The following KCTD16 variants were observed in gnomAD, a reference collection of about 807,000 sequenced individuals.
The protein encoded by KCTD16 is BTB/POZ domain-containing protein KCTD16.
A neutral mutation model predicts 33.2 loss-of-function variants in KCTD16; 13 were observed. That is an observed-to-expected ratio of 0.39 (90% CI 0.25 to 0.62). The LOEUF is 0.62. Ranked by LOEUF, KCTD16 falls within the 20% of genes least tolerant of loss-of-function variation. The pLI, the probability that KCTD16 is intolerant of heterozygous loss-of-function variation, is 0.50. For synonymous variants in KCTD16, 197 were observed against 195.3 expected, an observed-to-expected ratio of 1.01 and a Z score of -0.07; for missense variants, 441 against 525.1, an observed-to-expected ratio of 0.84 and a Z score of 1.57.
Position 144,171,653 on chromosome 5 carries a change from G to A in KCTD16, c.-493+644G>A, listed in dbSNP as rs182160968. Reference sequence around the variant, plus strand: ...GCCAAATCCAAATGTCCTTGGGGGCGGTGGGGGCAACATTAGCTGAATTTG... The same window carrying A: ...GCCAAATCCAAATGTCCTTGGGGGCAGTGGGGGCAACATTAGCTGAATTTG... On this transcript the variant is annotated intron_variant, in intron 1 of 3. Coordinates refer to ENST00000512467, the MANE Select transcript of KCTD16 (RefSeq NM_020768.4). Among the ~76,000 whole-genome samples, 510 of 152,206 alleles carry A rather than the reference G, an allele frequency of 3.4e-3. 4 individuals carry two copies. The highest frequency in any genetic ancestry group is 0.012 in the African/African-American group (491 of 41,514).
At chr5:144,363,725 T>A (rs1751770443) in intron 3 of KCTD16, among the ~76,000 whole-genome samples, 1 of 152,088 alleles carries the variant, frequency 6.6e-6, no homozygotes, top group African/African-American at 2.4e-5. Flanking sequence ...TTCATTCTCA[T>A]CTCACATGTG....
At chr5:144,175,354 T>C (rs1334596839) in intron 2 of KCTD16, among the ~76,000 whole-genome samples, 7 of 152,232 alleles carry the variant, frequency 4.6e-5, no homozygotes, top group African/African-American at 1.7e-4. Flanking sequence ...TGTATTGTTA[T>C]TGTGTTATGA....
chr5:144,448,391 A>C (rs1320113754), intron 3 of KCTD16, among the ~76,000 whole-genome samples: 1 of 152,054 alleles, frequency 6.6e-6, no homozygotes, highest in African/African-American at 2.4e-5. Context: ...GAAGAGCCTT[A>C]AGCTCTCTCT....
intron 3 of KCTD16, among the ~76,000 whole-genome samples, chr5:144,370,135 G>A (rs945292986): frequency 7.2e-5 from 11 of 152,200 alleles, no homozygotes; most frequent in South Asian, 2.1e-4. Flanking sequence ...TCATCAGATC[G>A]TTTCCAAAGA....
chr5:144,262,714 A>G (rs1438078928), intron 3 of KCTD16, among the ~76,000 whole-genome samples: 1 of 152,176 alleles, frequency 6.6e-6, no homozygotes, highest in Non-Finnish European at 1.5e-5. Flanking sequence ...TTTTTATATT[A>G]CTGATCAGTT....
intron 3 of KCTD16, among the ~76,000 whole-genome samples, chr5:144,368,834 C>T (rs371182439): frequency 1.3e-5 from 2 of 152,066 alleles, no homozygotes; most frequent in Non-Finnish European, 2.9e-5. Flanking sequence ...TTAGGAAGTA[C>T]GGAGGTCTGT....
chr5:144,340,273 G>A (rs1752597045), intron 3 of KCTD16, among the ~76,000 whole-genome samples: 1 of 151,840 alleles, frequency 6.6e-6, no homozygotes. Flanking sequence ...ATGGTGACGG[G>A]TACCTATAGT....
chr5:144,299,107 TA>T lies in KCTD16; in HGVS notation c.832+91562del, dbSNP rs1561558423. ...ATATATATCACTATGTATATATATA[TA>T]TATATATATATATATATATATATAT... is the stretch of plus-strand genomic sequence containing the variant. On this transcript the variant is annotated intron_variant, in intron 3 of 3. Transcript: ENST00000512467. Among the ~76,000 whole-genome samples the T allele has an allele frequency of 2.0e-4, 2 of 10,012 alleles. 1 individual carries two copies. Among genetic ancestry groups the T allele is most frequent in the Non-Finnish European group, 3.6e-4 (2 of 5,592 alleles). 6.6% of individuals were successfully genotyped at this position (10,012 alleles called of 152,430 possible). A position where few individuals can be genotyped will look rare whatever the true frequency, so the allele number is the denominator to read the frequency against.
At chr5:144,440,751 T>A (rs1417070646) in intron 3 of KCTD16, among the ~76,000 whole-genome samples, 1 of 152,114 alleles carries the variant, frequency 6.6e-6, no homozygotes, top group Admixed American at 6.6e-5. Context: ...TTTATTTTAT[T>A]ATTATTATAC....
chr5:144,306,922 C>A (rs1225811066), intron 3 of KCTD16, among the ~76,000 whole-genome samples: 1 of 152,136 alleles, frequency 6.6e-6, no homozygotes, highest in Non-Finnish European at 1.5e-5. Flanking sequence ...ATACCAGAAC[C>A]AAAGAAAAAT....
At chr5:144,435,885 G>T (rs979412953) in intron 3 of KCTD16, among the ~76,000 whole-genome samples, 1 of 151,684 alleles carries the variant, frequency 6.6e-6, no homozygotes, top group African/African-American at 2.4e-5. Flanking sequence ...CATTCTCCAA[G>T]AATTCTGTAA....
At chr5:144,373,757 A>C (rs1347931032) in intron 3 of KCTD16, among the ~76,000 whole-genome samples, 1 of 152,230 alleles carries the variant, frequency 6.6e-6, no homozygotes, top group Non-Finnish European at 1.5e-5. Flanking sequence ...GGCATTTACA[A>C]ATGGCAAATC....
chr5:144,384,927 A>C (rs1250205851), intron 3 of KCTD16, among the ~76,000 whole-genome samples: 1 of 152,210 alleles, frequency 6.6e-6, no homozygotes, highest in Non-Finnish European at 1.5e-5. Flanking sequence ...CTTTCATGTA[A>C]TGAAGTGCAT....
At chr5:144,397,699 T>C (rs1173900308) in intron 3 of KCTD16, among the ~76,000 whole-genome samples, 2 of 152,168 alleles carry the variant, frequency 1.3e-5, no homozygotes, top group Admixed American at 6.5e-5. Context: ...TTAAAGTTCA[T>C]ATGGAGCCAA....
intron 3 of KCTD16, among the ~76,000 whole-genome samples, chr5:144,322,829 G>A (rs1332849489): frequency 1.3e-5 from 2 of 152,064 alleles, no homozygotes; most frequent in Non-Finnish European, 2.9e-5. Flanking sequence ...ATTGTGACCA[G>A]TAAAACGGAT....
intron 3 of KCTD16, among the ~76,000 whole-genome samples, chr5:144,356,337 A>T (rs1751570921): frequency 6.6e-6 from 1 of 152,188 alleles, no homozygotes; most frequent in African/African-American, 2.4e-5. Flanking sequence ...ATATATAAGT[A>T]TATACAGGTT....
At chr5:144,252,286 G>A (rs1419867663) in intron 3 of KCTD16, among the ~76,000 whole-genome samples, 3 of 152,162 alleles carry the variant, frequency 2.0e-5, no homozygotes, top group Non-Finnish European at 4.4e-5. Context: ...TTATTTGGAT[G>A]AGTATAAATC....
At chr5:144,247,456 A>T (rs1176897256) in intron 3 of KCTD16, among the ~76,000 whole-genome samples, 1 of 152,146 alleles carries the variant, frequency 6.6e-6, no homozygotes, top group African/African-American at 2.4e-5. Flanking sequence ...CCTATAGATG[A>T]TTTTAGTTCC....
At chr5:144,377,016 G>C (rs1201937000) in intron 3 of KCTD16, among the ~76,000 whole-genome samples, 1 of 152,156 alleles carries the variant, frequency 6.6e-6, no homozygotes, top group Non-Finnish European at 1.5e-5. Context: ...TACGCATTCA[G>C]ACTTGGGATA....
Sources: gnomAD v4.1 joint callset for allele counts (sites outside exome capture counted in the v4.1 genomes callset) on GRCh38, gnomAD v4.1.1 for gene constraint, MANE v1.5 for transcripts, NCBI Gene and HGNC (gene_info 2026-07-23, HGNC 2026-07-21) for gene names.